POLE: variants seen among roughly 807,000 people sequenced by gnomAD.
The protein encoded by POLE is DNA polymerase epsilon catalytic subunit A.
Under a neutral mutation model 279.2 loss-of-function variants are expected in POLE, and 188 were observed. That is an observed-to-expected ratio of 0.67 (90% CI 0.60 to 0.76). POLE has a LOEUF of 0.76. POLE is among the 30% of genes least tolerant of loss of function. POLE has a pLI of 0.00. For synonymous variants in POLE, 1,214 were observed against 1,172.5 expected (o/e 1.04, Z -0.72); for missense variants, 2,703 against 3,016.7 (o/e 0.90, Z 2.44).
At chr12:132,657,767 T>G in intron 27 of POLE, 101 bp downstream of exon 27, 2 of 857,038 alleles carry the variant, frequency 2.3e-6, no homozygotes, top group South Asian at 3.0e-5. Context: ...AAGTCAAGAG[T>G]GAAGACGCCA....
intron 29 of POLE, among the ~76,000 whole-genome samples, chr12:132,655,765 A>G (rs949470487): frequency 6.6e-6 from 1 of 152,214 alleles, no homozygotes; most frequent in Non-Finnish European, 1.5e-5. Context: ...TGGTATTAAT[A>G]CAGCCACATC....
intron 29 of POLE, among the ~76,000 whole-genome samples, chr12:132,652,462 C>T (rs2042444434): frequency 6.6e-6 from 1 of 151,954 alleles, no homozygotes; most frequent in East Asian, 1.9e-4. Context: ...GCTGGGACTA[C>T]AGGCATGCAC....
Position 132,642,166 on chromosome 12 carries a change from C to T in POLE, c.5173+11G>A, listed in dbSNP as rs201001062. On this transcript the variant is annotated intron_variant, in intron 38 of 48. Transcript: ENST00000320574. ...CCAGGTCTCATGGGCCTCGTCCTCC[C>T]GCCCACTTACCTGTGGAGTAACAGC... is the stretch of plus-strand genomic sequence containing the variant. The T allele has an allele frequency of 2.1e-5, 32 of 1,531,798 alleles. No homozygotes were observed. Among genetic ancestry groups the T allele is most frequent in the African/African-American group, 1.1e-4 (8 of 72,508 alleles). 94.9% of individuals were successfully genotyped at this position (1,531,798 alleles called of 1,614,324 possible). A position where few individuals can be genotyped will look rare whatever the true frequency, so the allele number is the denominator to read the frequency against.
intron 42 of POLE, among the ~76,000 whole-genome samples, chr12:132,635,296 G>T (rs187615229): frequency 6.6e-6 from 1 of 152,288 alleles, no homozygotes; most frequent in East Asian, 1.9e-4. Flanking sequence ...CGATCCGCTG[G>T]CCCCTTGGCT....
chr12:132,649,710 G>A lies in POLE; in HGVS notation c.3762C>T (p.Ile1254=). The A allele has an allele frequency of 6.2e-7, 1 of 1,614,156 alleles. No homozygotes were observed. Among genetic ancestry groups the A allele is most frequent in the Non-Finnish European group, 8.5e-7 (1 of 1,180,040 alleles). Residue 1254 remains isoleucine, a synonymous_variant, in exon 30 of 49, where the codon ATC becomes ATT. Coordinates refer to ENST00000320574, the MANE Select transcript of POLE (RefSeq NM_006231.4). ...TTCCCAGGGCGGGAGGCTGCCCCAA[G>A]ATTTCCTGCCAGGGCACAGTCGGCG... is the stretch of plus-strand genomic sequence containing the variant. ...DLTPTVPWQE[I]LGQPPALGTS...
chr12:132,682,767 C>T (rs149148527), intron 1 of POLE, among the ~76,000 whole-genome samples: 392 of 151,810 alleles, frequency 2.6e-3, no homozygotes, highest in African/African-American at 8.6e-3. Flanking sequence ...TCCTGGCTAA[C>T]ATGGTGAAAC....
At chr12:132,627,423 C>T (rs1426422740) in intron 45 of POLE, among the ~76,000 whole-genome samples, 1 of 152,152 alleles carries the variant, frequency 6.6e-6, no homozygotes, top group East Asian at 1.9e-4. Context: ...CCTCAGCCTT[C>T]CCAGTAGCTG....
intron 1 of POLE, among the ~76,000 whole-genome samples, chr12:132,682,424 C>T (rs892327024): frequency 2.0e-5 from 3 of 151,936 alleles, no homozygotes; most frequent in African/African-American, 7.3e-5. Context: ...GTGGAGGTTG[C>T]AGTGAGCCAA....
Position 132,680,469 on chromosome 12 carries a change from T to C in POLE, c.285+138A>G, listed in dbSNP as rs148410305. 236 of 715,734 alleles carry C rather than the reference T, an allele frequency of 3.3e-4. No homozygotes were observed. In the African/African-American group the frequency reaches 3.5e-3, roughly 11 times the overall value. 44.3% of individuals were successfully genotyped at this position (715,734 alleles called of 1,614,324 possible). A position where few individuals can be genotyped will look rare whatever the true frequency, so the allele number is the denominator to read the frequency against. The stretch of plus-strand genomic sequence containing the variant: ...TCAGGACATCTTACGTGATGACTGA[T>C]GGGGCCTCCAGGGGCCCGAGTTCTG... On this transcript the variant is annotated intron_variant, in intron 3 of 48. Coordinates refer to ENST00000320574, the MANE Select transcript of POLE (RefSeq NM_006231.4).
chr12:132,680,920 A>G, intron 2 of POLE: 1 of 631,208 alleles, frequency 1.6e-6, no homozygotes, highest in Non-Finnish European at 2.7e-6. Context: ...CTTTATTCTG[A>G]TGGCTAAAAG....
intron 40 of POLE, 110 bp from the exon 41 acceptor site, chr12:132,638,249 C>T (rs954972258): frequency 3.0e-5 from 28 of 919,472 alleles, no homozygotes; most frequent in Non-Finnish European, 4.2e-5. Context: ...AGCAGAAAAG[C>T]CTCCGAGATA....
chr12:132,663,406 G>A (rs1189383550), intron 23 of POLE, among the ~76,000 whole-genome samples: 2 of 152,250 alleles, frequency 1.3e-5, no homozygotes, highest in Non-Finnish European at 2.9e-5. Context: ...CACCTGTGGA[G>A]CTCCTCCAAA....
chr12:132,669,039 A>G, intron 16 of POLE, 100 bp from the exon 17 acceptor site: 1 of 1,156,272 alleles, frequency 8.6e-7, no homozygotes, highest in South Asian at 1.7e-5. Flanking sequence ...AAAAGCTGAA[A>G]AATATATAAA....
intron 8 of POLE, 86 bp from the exon 9 acceptor site, chr12:132,676,739 C>A: frequency 1.2e-6 from 1 of 802,164 alleles, no homozygotes; most frequent in Non-Finnish European, 2.1e-6. Flanking sequence ...GCTCTACCTC[C>A]CTCTGGTTGT....
intron 2 of POLE, 41 bp downstream of exon 2, chr12:132,681,097 T>C (rs2043156160): frequency 6.2e-7 from 1 of 1,610,880 alleles, no homozygotes; most frequent in Non-Finnish European, 8.5e-7. Context: ...CCAGAAGGGT[T>C]GCAGCCATAT....
intron 16 of POLE, among the ~76,000 whole-genome samples, chr12:132,670,754 G>T (rs1337716328): frequency 2.0e-5 from 3 of 151,954 alleles, no homozygotes. Context: ...CTCCCAAAGT[G>T]CTGGAATTAC....
Position 132,675,533 on chromosome 12 carries a change from G to T in POLE, c.1107-16C>A. 1 of 1,613,806 alleles carries T rather than the reference G, an allele frequency of 6.2e-7. No individual in the cohort carries two copies. On this transcript the variant is annotated splice_polypyrimidine_tract_variant and intron_variant, in intron 11 of 48. Coordinates refer to ENST00000320574, the MANE Select transcript of POLE (RefSeq NM_006231.4). This position sits in a 1 kb window ranked among gnomAD's most constrained non-coding sequence, Gnocchi z 4.3. ...CACAAATGGCCTGGGTTGGAAAGAGGACAGACAAGCAAGTGGGCAGGTCAG... is the reference window on the plus strand; with the variant it reads ...CACAAATGGCCTGGGTTGGAAAGAGTACAGACAAGCAAGTGGGCAGGTCAG...
chr12:132,674,495 C>T (rs1316200239), intron 12 of POLE, among the ~76,000 whole-genome samples: 1 of 152,128 alleles, frequency 6.6e-6, no homozygotes, highest in Non-Finnish European at 1.5e-5. Context: ...GTAGCAGGGT[C>T]ACCTCCTGCC....
At position 132,668,594 on chromosome 12, in the gene POLE, C is replaced by A. The variant is rs775866351; in HGVS notation, c.2026+41G>T. ...AGAAAGGCGGCCGACACTCACCCAC[C>A]CGTTTCCCACCGAGTGCCCACCCAG... On this transcript the variant is annotated intron_variant, in intron 18 of 48. Coordinates refer to ENST00000320574, the MANE Select transcript of POLE (RefSeq NM_006231.4). The surrounding 1 kb of genome is among the most constrained non-coding windows in gnomAD (Gnocchi z 4.0). 1.3e-5 allele frequency: 21 copies of A among 1,591,828 alleles called. No individual in the cohort carries two copies. Among genetic ancestry groups the A allele is most frequent in the Non-Finnish European group, 1.5e-5 (18 of 1,163,162 alleles).
Sources: allele counts gnomAD v4.1 joint callset (sites outside exome capture counted in the v4.1 genomes callset), GRCh38; gene constraint gnomAD v4.1.1; non-coding constraint Gnocchi (gnomAD v3.1); transcripts MANE v1.5; gene names NCBI Gene and HGNC (gene_info 2026-07-23, HGNC 2026-07-21).